The following LRRFIP2 variants were observed in gnomAD, a reference collection of about 807,000 sequenced individuals.
The protein encoded by LRRFIP2 is leucine-rich repeat flightless-interacting protein 2.
A neutral mutation model predicts 125.9 loss-of-function variants in LRRFIP2; 109 were observed. That is an observed-to-expected ratio of 0.87 (90% confidence interval 0.74 to 1.01). LRRFIP2 has a LOEUF of 1.01. Ranked by LOEUF, LRRFIP2 falls within the 50% of genes least tolerant of loss-of-function variation. LRRFIP2 has a pLI of 0.00. For synonymous variants in LRRFIP2, 291 were observed against 293.1 expected, an observed-to-expected ratio of 0.99 and a Z score of 0.07; for missense variants, 850 against 862.3, an observed-to-expected ratio of 0.99 and a Z score of 0.18.
At position 37,094,841 on chromosome 3, in the gene LRRFIP2, C is replaced by T. The variant is rs758008011; in HGVS notation, c.986G>A (p.Gly329Glu). 1 of 1,613,922 alleles carries T rather than the reference C, an allele frequency of 6.2e-7. No homozygotes were observed. Among genetic ancestry groups the T allele is most frequent in the East Asian group, 2.2e-5 (1 of 44,860 alleles). Reference protein sequence around the residue: ...LSGNSSRRGSGDTSSLIDPDT... With the variant: ...LSGNSSRRGSEDTSSLIDPDT... ...TGGATCTATTAAGCTGCTGGTGTCC[C>T]CACTTCCTCGTCTGGATGAGTTTCC... is the stretch of plus-strand genomic sequence containing the variant. The change falls in exon 17 of 28, where the codon GGG (glycine) becomes GAG (glutamate). Residue 329 changes from glycine (G) to glutamate (E), a missense_variant. Transcript: ENST00000336686.
intron 2 of LRRFIP2, among the ~76,000 whole-genome samples, chr3:37,141,814 T>A (rs2095709209): frequency 6.6e-6 from 1 of 152,150 alleles, no homozygotes; most frequent in South Asian, 2.1e-4. Context: ...ATCCTGTCCC[T>A]CAGGACAGCC....
chr3:37,140,372 G>A (rs1049059894), intron 2 of LRRFIP2: 1 of 152,218 alleles, frequency 6.6e-6, no homozygotes, highest in South Asian at 2.1e-4. Context: ...AAGATACAGA[G>A]ATTAGCATGG....
At chr3:37,134,331 A>T (rs2095504150) in intron 2 of LRRFIP2, among the ~76,000 whole-genome samples, 1 of 152,224 alleles carries the variant, frequency 6.6e-6, no homozygotes, top group Non-Finnish European at 1.5e-5. Flanking sequence ...CATAATGGAC[A>T]CTAAGAAAGA....
At chr3:37,176,358 G>T (rs2096662506), upstream of LRRFIP2, 1 of 152,276 alleles carries the variant, frequency 6.6e-6, no homozygotes, top group Non-Finnish European at 1.5e-5. Context: ...CAGGGTCGAC[G>T]ACCCACTCAC....
intron 21 of LRRFIP2, chr3:37,067,932 T>C (rs191562166): frequency 1.7e-4 from 26 of 152,324 alleles, no homozygotes; most frequent in African/African-American, 6.0e-4. Context: ...TATTCCCTTA[T>C]TGTTAGCCCA....
Position 37,111,033 on chromosome 3 carries a change from G to A in LRRFIP2, c.471C>T (p.Ser157=), listed in dbSNP as rs1253434771. Residue 157 remains serine (S), a synonymous_variant, in exon 9 of 28, where the codon AGC becomes AGT. Coordinates refer to ENST00000336686, the MANE Select transcript of LRRFIP2 (RefSeq NM_006309.4). ...SGLYFDQRNY[S]SLRHSKPTSA... ...AGGTGGGTTTGCTATGTCTAAGACT[G>A]CTATAGTTTCTCTGGTCAAAGTAGA... 4.3e-6 allele frequency: 7 copies of A among 1,613,764 alleles called. No homozygotes were observed. Among genetic ancestry groups the A allele is most frequent in the Admixed American group, 1.7e-5 (1 of 59,988 alleles).
intron 2 of LRRFIP2, among the ~76,000 whole-genome samples, chr3:37,137,544 C>G (rs535120037): frequency 2.0e-5 from 3 of 152,138 alleles, no homozygotes; most frequent in Non-Finnish European, 4.4e-5. Flanking sequence ...TGAAATAATA[C>G]TATTCTAGTT....
In LRRFIP2 at chr3:37,103,122, T is replaced by C. The variant is rs6767849; in HGVS notation, c.784-109A>G. ...AGTTTTTTAAAATTTTGATGGGTGA[T>C]AAAGTACCAAGAAATAAAATGAGGA... On this transcript the variant is annotated intron_variant, in intron 14 of 27. Transcript: ENST00000336686. The C allele has an allele frequency of 2.8e-5, 19 of 690,404 alleles. No homozygotes were observed. The African/African-American group carries it at 3.3e-4, about 12-fold the overall frequency. 42.8% of individuals were successfully genotyped at this position (690,404 alleles called of 1,614,324 possible). A position where few individuals can be genotyped will look rare whatever the true frequency, so the allele number is the denominator to read the frequency against.
chr3:37,131,937 T>C (rs771843911), intron 2 of LRRFIP2, among the ~76,000 whole-genome samples: 2 of 152,226 alleles, frequency 1.3e-5, no homozygotes, highest in Non-Finnish European at 2.9e-5. Flanking sequence ...CCAGTCTGTG[T>C]AACTGGTCTT....
chr3:37,086,155 G>A (rs140849019), intron 18 of LRRFIP2, among the ~76,000 whole-genome samples: 248 of 152,152 alleles, frequency 1.6e-3, no homozygotes, highest in Admixed American at 9.9e-3. Context: ...AATGCACATC[G>A]AAACCACAAT....
chr3:37,063,244 G>C (rs1000226023), intron 24 of LRRFIP2, among the ~76,000 whole-genome samples: 5 of 152,194 alleles, frequency 3.3e-5, no homozygotes, highest in African/African-American at 9.6e-5. Flanking sequence ...ACACAAGCAG[G>C]CTGGAATTAC....
intron 5 of LRRFIP2, 43 bp from the exon 6 acceptor site, chr3:37,121,579 T>C (rs901273682): frequency 6.2e-7 from 1 of 1,612,758 alleles, no homozygotes; most frequent in Non-Finnish European, 8.5e-7. Flanking sequence ...TTGTGAGTGA[T>C]TACATTAAGC....
At chr3:37,101,451 G>A (rs2094040371) in intron 15 of LRRFIP2, among the ~76,000 whole-genome samples, 1 of 151,918 alleles carries the variant, frequency 6.6e-6, no homozygotes, top group African/African-American at 2.4e-5. Context: ...GATTGATTGA[G>A]GTCAGGAATT....
At chr3:37,092,749 TC>T (rs2093517648) in intron 17 of LRRFIP2, among the ~76,000 whole-genome samples, 1 of 152,208 alleles carries the variant, frequency 6.6e-6, no homozygotes, top group Non-Finnish European at 1.5e-5. Flanking sequence ...CTAGGTGCTC[TC>T]CTTCTCTGCC....
chr3:37,075,755 T>C (rs566705878), intron 19 of LRRFIP2, among the ~76,000 whole-genome samples: 135 of 152,142 alleles, frequency 8.9e-4, no homozygotes, highest in Non-Finnish European at 1.6e-3. Flanking sequence ...GAAAAATACA[T>C]ACTGAAAAAG....
intron 1 of LRRFIP2, among the ~76,000 whole-genome samples, chr3:37,166,956 A>G (rs961842733): frequency 2.6e-5 from 4 of 152,152 alleles, no homozygotes; most frequent in African/African-American, 7.2e-5. Flanking sequence ...CAGAGGTTGC[A>G]GTGAGCAGAG....
intron 25 of LRRFIP2, among the ~76,000 whole-genome samples, chr3:37,057,192 C>G (rs929377060): frequency 6.6e-6 from 1 of 152,148 alleles, no homozygotes; most frequent in African/African-American, 2.4e-5. Flanking sequence ...CCTACCTACT[C>G]TAGGAAGTAT....
At chr3:37,056,055 A>G (rs2363499) in intron 25 of LRRFIP2, among the ~76,000 whole-genome samples, 150,888 of 152,328 alleles carry the variant, frequency 0.99, 74,733 homozygotes, top group East Asian at 1. Context: ...TGTAAGCAAG[A>G]AGAGGGGCCC....
intron 2 of LRRFIP2, among the ~76,000 whole-genome samples, chr3:37,144,437 G>A (rs1444210270): frequency 6.6e-6 from 1 of 152,080 alleles, no homozygotes; most frequent in Non-Finnish European, 1.5e-5. Flanking sequence ...AAATCTTTCT[G>A]TATTTAATGT....
Sources: gnomAD v4.1 joint callset for allele counts (sites outside exome capture counted in the v4.1 genomes callset) on GRCh38, gnomAD v4.1.1 for gene constraint, MANE v1.5 for transcripts, NCBI Gene and HGNC (gene_info 2026-07-23, HGNC 2026-07-21) for gene names.